CLTRN: variants seen among roughly 807,000 people sequenced by gnomAD.
CLTRN encodes collectrin.
In CLTRN, 12 loss-of-function variants were observed where a neutral mutation model predicts 14.5. That is an observed-to-expected ratio of 0.83 (90% CI 0.53 to 1.34). The LOEUF is 1.34. Ranked by LOEUF, CLTRN falls within the 40% of genes most tolerant of loss-of-function variation. The pLI, the probability that CLTRN is intolerant of heterozygous loss-of-function variation, is 0.00. For missense variants in CLTRN, 154 were observed against 165.1 expected, an observed-to-expected ratio of 0.93 and a Z score of 0.37; for synonymous variants, 58 against 56.5, an observed-to-expected ratio of 1.03 and a Z score of -0.12.
upstream of CLTRN, among the ~76,000 whole-genome samples, chrX:15,669,330 T>C (rs1260509076): frequency 1.8e-5 from 2 of 112,385 alleles, no homozygotes; most frequent in Non-Finnish European, 3.8e-5. Context: ...CAATTTCACA[T>C]ATGGGAGCTT....
chrX:15,673,138 G>C (rs1929748564), intron 1 of CLTRN, among the ~76,000 whole-genome samples: 3 of 112,290 alleles, frequency 2.7e-5, no homozygotes, highest in Non-Finnish European at 5.6e-5. Flanking sequence ...GATTTGCCTT[G>C]GGGCTAAAAA....
chrX:15,664,428 T>C (rs1929576931), intron 1 of CLTRN, 33 bp from the exon 2 acceptor site: 2 of 1,122,789 alleles, frequency 1.8e-6, no homozygotes, highest in African/African-American at 3.6e-5. Flanking sequence ...GAGCAGTATA[T>C]GATGATTAGG....
At chrX:15,641,844 T>C (rs56137184) in intron 4 of CLTRN, among the ~76,000 whole-genome samples, 31,039 of 110,073 alleles carry the variant, frequency 0.28, 3,607 homozygotes, top group East Asian at 0.52. Flanking sequence ...TACCGGACAG[T>C]CCAAGTCTAC....
In CLTRN at chrX:15,638,660, TC is replaced by T. The variant is rs764181546; in HGVS notation, c.512+901del. ...TGAAAAGCTGAGGATTTTTCCATCT[TC>T]CCCCCTGCATTAGAGGTACTGGTTA... On this transcript the variant is annotated intron_variant, in intron 5 of 5. Transcript: ENST00000380342. 1.7e-4 allele frequency among the ~76,000 whole-genome samples: 19 copies of T among 111,650 alleles called. 1 individual carries two copies. Among genetic ancestry groups the T allele is most frequent in the African/African-American group, 6.2e-4 (19 of 30,775 alleles).
In CLTRN at chrX:15,627,742, C is replaced by T. The variant is rs971419984; in HGVS notation, c.*229G>A. On this transcript the variant is annotated 3_prime_UTR_variant, in exon 6 of 6. Transcript: ENST00000380342. Reference sequence around the variant, plus strand: ...AATACCACATGACCACATTTATACACTATACTGTCAGAAAAATATTTTAGA... The same window carrying T: ...AATACCACATGACCACATTTATACATTATACTGTCAGAAAAATATTTTAGA... 1.4e-4 allele frequency: 37 copies of T among 262,885 alleles called. No individual in the cohort carries two copies. The highest frequency in any genetic ancestry group is 1.9e-4 in the Non-Finnish European group (29 of 150,004). The allele number at this position is 262,885 out of a possible 1,213,427, so 21.7% of individuals were successfully genotyped here. A position where few individuals can be genotyped will look rare whatever the true frequency, so the allele number is the denominator to read the frequency against.
At chrX:15,655,407 C>A (rs1287871004) in intron 3 of CLTRN, among the ~76,000 whole-genome samples, 1 of 111,776 alleles carries the variant, frequency 8.9e-6, no homozygotes, top group East Asian at 2.8e-4. Flanking sequence ...TGCATCTTCC[C>A]CTGACATGGG....
At chrX:15,644,355 G>A (rs1431201708) in intron 4 of CLTRN, among the ~76,000 whole-genome samples, 1 of 111,369 alleles carries the variant, frequency 9.0e-6, no homozygotes, top group Non-Finnish European at 1.9e-5. Flanking sequence ...GTTACTGCCC[G>A]AAAAATAGAC....
chrX:15,649,294 CAA>C (rs754455311), intron 3 of CLTRN, among the ~76,000 whole-genome samples: 1 of 112,077 alleles, frequency 8.9e-6, no homozygotes, highest in Non-Finnish European at 1.9e-5. Context: ...TAAATTTATT[CAA>C]GTTTCCAATG....
chrX:15,629,478 C>A (rs1189430218), intron 5 of CLTRN, among the ~76,000 whole-genome samples: 1 of 111,388 alleles, frequency 9.0e-6, no homozygotes, highest in Non-Finnish European at 1.9e-5. Flanking sequence ...TGACTCCATT[C>A]CTGTCCTCTG....
chrX:15,663,901 C>T (rs1347722004), intron 2 of CLTRN, among the ~76,000 whole-genome samples: 1 of 112,094 alleles, frequency 8.9e-6, no homozygotes, highest in African/African-American at 3.2e-5. Flanking sequence ...ACTTCAGGTT[C>T]AAATTGGAAA....
intron 4 of CLTRN, 86 bp downstream of exon 4, chrX:15,644,830 A>G: frequency 1.7e-6 from 1 of 574,162 alleles, no homozygotes; most frequent in Non-Finnish European, 2.8e-6. Flanking sequence ...TGAAACAGAT[A>G]AAACTCTTCA....
intron 3 of CLTRN, among the ~76,000 whole-genome samples, chrX:15,653,243 C>T (rs986841029): frequency 4.5e-5 from 5 of 110,222 alleles, no homozygotes; most frequent in African/African-American, 1.7e-4. Flanking sequence ...AGTGCTTGCC[C>T]GGCAGGCCTC....
intron 3 of CLTRN, among the ~76,000 whole-genome samples, chrX:15,648,910 T>C (rs1288828563): frequency 9.0e-6 from 1 of 111,658 alleles, no homozygotes; most frequent in African/African-American, 3.3e-5. Flanking sequence ...ATTAAACAAA[T>C]ACCAAATAGA....
At chrX:15,645,939 G>A (rs1409247153) in intron 3 of CLTRN, among the ~76,000 whole-genome samples, 1 of 113,188 alleles carries the variant, frequency 8.8e-6, no homozygotes, top group African/African-American at 3.2e-5. Flanking sequence ...GCATCCAAGT[G>A]TATTGTGATC....
chrX:15,671,288 A>C (rs1156848095), intron 1 of CLTRN, among the ~76,000 whole-genome samples: 1 of 112,275 alleles, frequency 8.9e-6, no homozygotes, highest in Non-Finnish European at 1.9e-5. Flanking sequence ...AAATAGAAGA[A>C]AGGTTTCTCA....
At chrX:15,653,127 A>AT (rs1929264797) in intron 3 of CLTRN, among the ~76,000 whole-genome samples, 1 of 111,219 alleles carries the variant, frequency 9.0e-6, no homozygotes, top group Non-Finnish European at 1.9e-5. Flanking sequence ...ATATGAACAA[A>AT]TTTTTTTCTT....
Position 15,670,352 on chromosome X carries a change from A to ACACACAC in CLTRN, c.-505-2417_-505-2416insGTGTGTG, listed in dbSNP as rs1397043234. ...ACACACACACACACACACACACACA[A>ACACACAC]ACCCCTTTGGAAGTTTTAATATCTT... On this transcript the variant is annotated intron_variant, in intron 1 of 6. Transcript: ENST00000650271. Among the ~76,000 whole-genome samples, 15 of 58,365 alleles carry ACACACAC rather than the reference A, an allele frequency of 2.6e-4. No individual in the cohort carries two copies. The East Asian group carries it at 0.011, about 41-fold the overall frequency. 50.7% of individuals were successfully genotyped at this position (58,365 alleles called of 115,157 possible).
At chrX:15,664,473 G>A in intron 1 of CLTRN, 78 bp from the exon 2 acceptor site, 1 of 855,608 alleles carries the variant, frequency 1.2e-6, no homozygotes, top group Non-Finnish European at 1.7e-6. Context: ...ATCCTAATAT[G>A]TAATGCAACT....
intron 4 of CLTRN, among the ~76,000 whole-genome samples, chrX:15,640,149 A>G (rs1276593797): frequency 8.9e-6 from 1 of 111,878 alleles, no homozygotes; most frequent in East Asian, 2.8e-4. Flanking sequence ...GTGGCGGGGA[A>G]GCAGCTTTCC....
Sources: gnomAD v4.1 joint callset for allele counts (sites outside exome capture counted in the v4.1 genomes callset) on GRCh38, gnomAD v4.1.1 for gene constraint, MANE v1.5 for transcripts, NCBI Gene and HGNC (gene_info 2026-07-23, HGNC 2026-07-21) for gene names.